USP8: variants seen among roughly 807,000 people sequenced by gnomAD.
USP8 encodes the protein ubiquitin specific peptidase 8.
Under a neutral mutation model 130.0 loss-of-function variants are expected in USP8, and 27 were observed. The observed-to-expected ratio is 0.21, with a 90% CI of 0.15 to 0.29. USP8 has a LOEUF of 0.29. Among genes scored for constraint, USP8 ranks in the 10% least tolerant of loss-of-function variants. The probability of loss-of-function intolerance (pLI) is 1.00; values close to 1 mark genes in which losing one functional copy is unlikely to be tolerated. For synonymous variants in USP8, 392 were observed against 444.1 expected (o/e 0.88, Z 1.48); for missense variants, 1,029 against 1,312.2 (o/e 0.78, Z 3.33).
intron 8 of USP8, among the ~76,000 whole-genome samples, chr15:50,476,043 T>G (rs999128794): frequency 1.3e-5 from 2 of 152,206 alleles, no homozygotes; most frequent in African/African-American, 4.8e-5. Flanking sequence ...TGTGCATGTA[T>G]AAGGATCTTT....
chr15:50,458,185 T>G (rs980256576), intron 4 of USP8, among the ~76,000 whole-genome samples: 4 of 152,194 alleles, frequency 2.6e-5, no homozygotes, highest in Admixed American at 6.5e-5. Flanking sequence ...GGAGTCTCAC[T>G]CTGTTACCTA....
At chr15:50,462,779 T>C (rs530377340) in intron 6 of USP8, among the ~76,000 whole-genome samples, 1 of 152,184 alleles carries the variant, frequency 6.6e-6, no homozygotes, top group Non-Finnish European at 1.5e-5. Flanking sequence ...ACTTATTTCA[T>C]AGGGTTGTTG....
chr15:50,475,234 T>TA (rs2051523068), intron 8 of USP8, among the ~76,000 whole-genome samples: 1 of 152,126 alleles, frequency 6.6e-6, no homozygotes, highest in Non-Finnish European at 1.5e-5. Flanking sequence ...CACTGTTTAC[T>TA]AAAAAAATTG....
intron 4 of USP8, among the ~76,000 whole-genome samples, chr15:50,454,610 C>T (rs982301677): frequency 1.3e-5 from 2 of 151,768 alleles, no homozygotes; most frequent in African/African-American, 4.8e-5. Context: ...TGTGTGCCAC[C>T]ACACCTGGCT....
At chr15:50,468,060 T>C (rs903853190) in intron 7 of USP8, among the ~76,000 whole-genome samples, 5 of 151,780 alleles carry the variant, frequency 3.3e-5, no homozygotes, top group African/African-American at 1.2e-4. Flanking sequence ...CTCAGCCCCC[T>C]GAGTAGCTGG....
At chr15:50,462,138 A>T in intron 5 of USP8, 142 bp from the exon 6 acceptor site, 1 of 602,856 alleles carries the variant, frequency 1.7e-6, no homozygotes, top group Non-Finnish European at 2.8e-6. Context: ...TATCATTATT[A>T]TTCGTCTGCG....
intron 1 of USP8, among the ~76,000 whole-genome samples, chr15:50,437,494 T>C (rs1252802632): frequency 6.6e-6 from 1 of 152,216 alleles, no homozygotes; most frequent in African/African-American, 2.4e-5. Flanking sequence ...GATGATGAGG[T>C]GAGAAGGCGG....
chr15:50,449,153 G>T (rs1567609651), intron 3 of USP8, among the ~76,000 whole-genome samples: 1 of 152,150 alleles, frequency 6.6e-6, no homozygotes, highest in African/African-American at 2.4e-5. Context: ...TTTTAACAGA[G>T]ACTTACAAAT....
intron 1 of USP8, among the ~76,000 whole-genome samples, chr15:50,431,165 C>CTG (rs56771450): frequency 0.14 from 19,651 of 140,928 alleles, 1,773 homozygotes; most frequent in Middle Eastern, 0.27. Flanking sequence ...GTGTGTGCCT[C>CTG]TGTGTGTGTG....
chr15:50,441,262 T>C (rs2050250812), intron 2 of USP8, 87 bp from the exon 3 acceptor site: 1 of 1,308,312 alleles, frequency 7.6e-7, no homozygotes, highest in South Asian at 1.7e-5. Flanking sequence ...GGATCCCTGA[T>C]AAAGATTATC....
intron 5 of USP8, among the ~76,000 whole-genome samples, chr15:50,462,063 G>T (rs533288596): frequency 9.2e-5 from 14 of 151,888 alleles, no homozygotes; most frequent in African/African-American, 3.1e-4. Flanking sequence ...TTGAGGAAAT[G>T]TTCTATGATT....
intron 5 of USP8, among the ~76,000 whole-genome samples, chr15:50,461,439 G>C (rs950128257): frequency 3.1e-5 from 4 of 129,096 alleles, no homozygotes; most frequent in Non-Finnish European, 4.7e-5. Flanking sequence ...TTGAGCATTA[G>C]AGTGAGACCC....
chr15:50,439,313 A>G, intron 2 of USP8, 136 bp downstream of exon 2: 2 of 573,078 alleles, frequency 3.5e-6, no homozygotes, highest in Non-Finnish European at 5.9e-6. Flanking sequence ...CTCCTTAGAG[A>G]AAGTTGTAAT....
intron 7 of USP8, chr15:50,466,883 C>CA (rs2051208105): frequency 2.5e-6 from 1 of 401,468 alleles, no homozygotes; most frequent in African/African-American, 2.1e-5. Flanking sequence ...AAAAGAATCT[C>CA]AAAGTGAAAG....
chr15:50,484,482 C>A (rs539000753), intron 12 of USP8, 121 bp downstream of exon 12: 45 of 743,696 alleles, frequency 6.1e-5, no homozygotes, highest in Admixed American at 4.3e-4. Context: ...GGGATCGTTG[C>A]CATCTTTGGT....
At chr15:50,444,319 G>A (rs1409431850) in intron 3 of USP8, among the ~76,000 whole-genome samples, 2 of 151,286 alleles carry the variant, frequency 1.3e-5, no homozygotes, top group Non-Finnish European at 1.5e-5. Flanking sequence ...TGGTCAGGCT[G>A]ATCTCGAACT....
intron 8 of USP8, among the ~76,000 whole-genome samples, chr15:50,474,271 G>T (rs1227517520): frequency 6.6e-6 from 1 of 152,144 alleles, no homozygotes; most frequent in Non-Finnish European, 1.5e-5. Flanking sequence ...CCACAGTGCT[G>T]GTATTACAGG....
rs146044054 is a variant in USP8 at position 50,444,908 on chromosome 15, C to T, written c.249+3415C>T. 3.0e-3 allele frequency among the ~76,000 whole-genome samples: 459 copies of T among 152,162 alleles called. 7 individuals are homozygous for T. Among genetic ancestry groups the T allele is most frequent in the African/African-American group, 0.01 (432 of 41,504 alleles). On this transcript the variant is annotated intron_variant, in intron 3 of 19. Transcript: ENST00000307179. The stretch of plus-strand genomic sequence containing the variant: ...GAGTAGCTGGGAGTACAGACACGCA[C>T]CACCACACCTGGCTAATTTTTTAAT...
At chr15:50,442,587 T>TA (rs145963197) in intron 3 of USP8, among the ~76,000 whole-genome samples, 23,730 of 151,340 alleles carry the variant, frequency 0.16, 2,213 homozygotes, top group Middle Eastern at 0.28. Context: ...GTACTAAAAG[T>TA]AAAAAAAACT....
Sources: gnomAD v4.1 joint callset for allele counts (sites outside exome capture counted in the v4.1 genomes callset) on GRCh38, gnomAD v4.1.1 for gene constraint, MANE v1.5 for transcripts, NCBI Gene and HGNC (gene_info 2026-07-23, HGNC 2026-07-21) for gene names.